OCA2: variants seen among roughly 807,000 people sequenced by gnomAD.
OCA2 encodes OCA2 melanosomal transmembrane protein.
Under a neutral mutation model 100.2 loss-of-function variants are expected in OCA2, and 77 were observed. The observed-to-expected ratio is 0.77, with a 90% CI of 0.64 to 0.93. OCA2 has a LOEUF of 0.93. OCA2 is among the 40% of genes least tolerant of loss of function. The probability of loss-of-function intolerance (pLI) is 0.00; values close to 1 mark genes in which losing one functional copy is unlikely to be tolerated. For missense variants in OCA2, 1,062 were observed against 1,089.1 expected, an observed-to-expected ratio of 0.98 and a Z score of 0.35; for synonymous variants, 432 against 439.2, an observed-to-expected ratio of 0.98 and a Z score of 0.21.
chr15:27,821,349 T>C (rs139470649), intron 23 of OCA2, among the ~76,000 whole-genome samples: 13 of 152,218 alleles, frequency 8.5e-5, no homozygotes, highest in Admixed American at 2.6e-4. Flanking sequence ...ACTGACAATC[T>C]TCAGTTGGAA....
chr15:27,761,731 C>T (rs1459833983), intron 23 of OCA2, among the ~76,000 whole-genome samples: 2 of 152,178 alleles, frequency 1.3e-5, no homozygotes, highest in Non-Finnish European at 2.9e-5. Context: ...TATGTAGCAC[C>T]AGTAATTAAG....
intron 1 of OCA2, among the ~76,000 whole-genome samples, chr15:28,089,456 T>C (rs1036206594): frequency 6.6e-6 from 1 of 152,214 alleles, no homozygotes; most frequent in African/African-American, 2.4e-5. Flanking sequence ...AGTATTAATT[T>C]GGGGAACTAA....
intron 21 of OCA2, among the ~76,000 whole-genome samples, chr15:27,863,556 G>C (rs1453377774): frequency 6.6e-6 from 1 of 152,148 alleles, no homozygotes; most frequent in Non-Finnish European, 1.5e-5. Flanking sequence ...CCAGTGCTGT[G>C]ATGCTGCCGG....
rs547514436 is a variant in OCA2 at position 27,983,466 on chromosome 15, T to C, written c.1382A>G (p.Asn461Ser). 17 of 1,614,198 alleles carry C rather than the reference T, an allele frequency of 1.1e-5. No homozygotes were observed. The South Asian group carries it at 1.4e-4, about 14-fold the overall frequency. ...AATCAGGACTTGTCTTGGATCAAGG[T>C]TGAGCACCTCACACAACCTGTCACA... ...PVTIRLCEVL[N>S]LDPRQVLIAE... The change falls in exon 14 of 24, where the codon AAC (asparagine) becomes AGC (serine). Residue 461 changes from asparagine to serine, a missense_variant. By Grantham distance (46) the Asn-to-Ser change is conservative (BLOSUM62 1). Coordinates refer to ENST00000354638, the MANE Select transcript of OCA2 (RefSeq NM_000275.3).
intron 2 of OCA2, among the ~76,000 whole-genome samples, chr15:28,070,247 A>C (rs1449537705): frequency 7.6e-6 from 1 of 130,872 alleles, no homozygotes; most frequent in African/African-American, 3.3e-5. Flanking sequence ...TCCGCCCGGC[A>C]GCCACCCCAT....
chr15:27,752,713 C>G (rs997239025), downstream of OCA2, among the ~76,000 whole-genome samples: 1 of 140,438 alleles, frequency 7.1e-6, no homozygotes, highest in African/African-American at 2.7e-5. Context: ...CCAAGTGTCT[C>G]ATGCTGGCAC....
intron 18 of OCA2, among the ~76,000 whole-genome samples, chr15:27,937,718 A>T (rs1439802141): frequency 6.6e-6 from 1 of 152,170 alleles, no homozygotes; most frequent in Non-Finnish European, 1.5e-5. Flanking sequence ...TCTTCTGTGA[A>T]GTGTCTACTT....
chr15:28,026,699 T>C (rs1480107117), intron 4 of OCA2, among the ~76,000 whole-genome samples: 3 of 152,096 alleles, frequency 2.0e-5, no homozygotes, highest in Non-Finnish European at 4.4e-5. Context: ...ATGTATAGGA[T>C]AGCGGATCCC....
chr15:27,893,799 C>T (rs146058209), intron 19 of OCA2, among the ~76,000 whole-genome samples: 1 of 152,198 alleles, frequency 6.6e-6, no homozygotes. Flanking sequence ...CACCGCTGAA[C>T]ATAGACCCTT....
At chr15:27,967,062 G>C (rs781660287) in intron 14 of OCA2, among the ~76,000 whole-genome samples, 1 of 152,186 alleles carries the variant, frequency 6.6e-6, no homozygotes, top group East Asian at 1.9e-4. Context: ...CCCGAGAGGC[G>C]GAACTTGCAG....
chr15:27,929,825 A>G (rs530179789), intron 18 of OCA2, among the ~76,000 whole-genome samples: 2 of 149,134 alleles, frequency 1.3e-5, no homozygotes, highest in Non-Finnish European at 3.0e-5. Flanking sequence ...CAAATGGGAA[A>G]TATTTTAAAC....
chr15:27,978,978 C>T (rs1025753905), intron 14 of OCA2, among the ~76,000 whole-genome samples: 6 of 152,166 alleles, frequency 3.9e-5, no homozygotes, highest in Non-Finnish European at 5.9e-5. Flanking sequence ...TGAGCCACCG[C>T]GCCTGGCCTT....
At chr15:27,970,962 C>G (rs1013170248) in intron 14 of OCA2, among the ~76,000 whole-genome samples, 1 of 151,442 alleles carries the variant, frequency 6.6e-6, no homozygotes, top group Non-Finnish European at 1.5e-5. Context: ...GCCTGAAGAA[C>G]TCCCCAGCAA....
rs1566798022 is a variant in OCA2 at position 28,014,878 on chromosome 15, G to A, written c.942C>T (p.Val314=). ...IRASLQQTQA[V]PLLMAHQYLR... ...GGTACTGATGAGCCATCAAAAGAGG[G>A]ACAGCCTGGGTCTGCTGCAGGGAGG... The change falls in exon 9 of 24, where the codon GTC becomes GTT. Residue 314 remains valine, a synonymous_variant. Transcript: ENST00000354638. 3 of 1,614,164 alleles carry A rather than the reference G, an allele frequency of 1.9e-6. No individual in the cohort carries two copies. Among genetic ancestry groups the A allele is most frequent in the Non-Finnish European group, 1.7e-6 (2 of 1,180,022 alleles).
chr15:27,755,770 T>TAGACTGGTG (rs1313419570), intron 23 of OCA2, among the ~76,000 whole-genome samples: 1 of 152,224 alleles, frequency 6.6e-6, no homozygotes, highest in East Asian at 1.9e-4. Context: ...GGTCTTTCAA[T>TAGACTGGTG]GCCATGTGCT....
chr15:27,993,338 A>G (rs1288495161), intron 9 of OCA2, among the ~76,000 whole-genome samples: 1 of 152,194 alleles, frequency 6.6e-6, no homozygotes, highest in Non-Finnish European at 1.5e-5. Flanking sequence ...TCTCAGCTGA[A>G]TAATTGTCCC....
At chr15:27,727,624 T>C in the OCA2 span, among the ~76,000 whole-genome samples, 1 of 152,110 alleles carries the variant, frequency 6.6e-6, no homozygotes, top group Non-Finnish European at 1.5e-5. Flanking sequence ...AGAAGGACAA[T>C]GAAGGCACGT....
chr15:27,928,934 A>G (rs1222188950), intron 18 of OCA2, among the ~76,000 whole-genome samples: 2 of 152,188 alleles, frequency 1.3e-5, no homozygotes, highest in Non-Finnish European at 2.9e-5. Context: ...TATAACATAT[A>G]TGGCCATTAA....
intron 14 of OCA2, among the ~76,000 whole-genome samples, chr15:27,977,901 A>G (rs935107054): frequency 5.3e-5 from 8 of 152,198 alleles, no homozygotes; most frequent in African/African-American, 1.9e-4. Context: ...TCACCAGGGA[A>G]TGAGATCCAC....
Sources: allele counts gnomAD v4.1 joint callset (sites outside exome capture counted in the v4.1 genomes callset), GRCh38; gene constraint gnomAD v4.1.1; transcripts MANE v1.5; gene names NCBI Gene and HGNC (gene_info 2026-07-23, HGNC 2026-07-21).